Variants in INVS observed in about 807,000 individuals in gnomAD.
The protein encoded by INVS is inversin.
INVS carries 86 observed loss-of-function variants against 108.8 expected under a neutral mutation model. The observed-to-expected ratio is 0.79, with a 90% CI of 0.66 to 0.95. INVS has a LOEUF of 0.95. Ranked by LOEUF, INVS falls within the 40% of genes least tolerant of loss-of-function variation. INVS has a pLI of 0.00. For synonymous variants in INVS, 455 were observed against 473.5 expected (o/e 0.96, Z 0.51); for missense variants, 1,169 against 1,297.4 (o/e 0.90, Z 1.52).
chr9:100,131,876 A>T, intron 3 of INVS: 1 of 968,276 alleles, frequency 1.0e-6, no homozygotes, highest in Non-Finnish European at 1.2e-6. Context: ...TCAGTTTTCA[A>T]GGTACGCTGT....
chr9:100,100,694 ATATGTACATATAATATATATATTATATG>A (rs1826841631), intron 1 of INVS, among the ~76,000 whole-genome samples: 1 of 48,056 alleles, frequency 2.1e-5, no homozygotes, highest in Non-Finnish European at 3.3e-5. Flanking sequence ...TATATATTAT[ATATGTACATATAATATATATATTATATG>A]TACATATAAT....
intron 3 of INVS, among the ~76,000 whole-genome samples, chr9:100,174,962 C>A (rs1829663796): frequency 6.6e-6 from 1 of 151,930 alleles, no homozygotes; most frequent in South Asian, 2.1e-4. Context: ...TTGCTGAAAA[C>A]CAAAGATGAA....
chr9:100,159,456 A>G (rs1032981608), intron 3 of INVS, among the ~76,000 whole-genome samples: 2 of 152,224 alleles, frequency 1.3e-5, no homozygotes, highest in Non-Finnish European at 2.9e-5. Context: ...AGAGAAAATT[A>G]TATCCAGCAT....
At chr9:100,275,840 A>G (rs142291607) in intron 12 of INVS, among the ~76,000 whole-genome samples, 234 of 152,354 alleles carry the variant, frequency 1.5e-3, no homozygotes, top group African/African-American at 5.3e-3. Context: ...TCTATAATCA[A>G]TTTGAAAGCA....
chr9:100,216,288 T>TGATG (rs1830985058), intron 3 of INVS, among the ~76,000 whole-genome samples: 1 of 152,086 alleles, frequency 6.6e-6, no homozygotes, highest in Non-Finnish European at 1.5e-5. Context: ...AAGGTAAGGG[T>TGATG]GATGGCTTTT....
At chr9:100,248,604 CATT>C (rs1430418249) in intron 8 of INVS, among the ~76,000 whole-genome samples, 1 of 151,876 alleles carries the variant, frequency 6.6e-6, no homozygotes, top group Admixed American at 6.6e-5. Flanking sequence ...TATTATTGAA[CATT>C]ATAGAATTTC....
intron 12 of INVS, among the ~76,000 whole-genome samples, chr9:100,276,809 C>T (rs1303539449): frequency 2.0e-5 from 3 of 152,168 alleles, no homozygotes; most frequent in Non-Finnish European, 4.4e-5. Flanking sequence ...CCAGCCCCCT[C>T]ATTCTTAAAT....
chr9:100,151,925 T>C (rs991477323), intron 3 of INVS, among the ~76,000 whole-genome samples: 16 of 152,206 alleles, frequency 1.1e-4, no homozygotes, highest in African/African-American at 3.6e-4. Context: ...AGCTGATTCA[T>C]ATTTAAGATT....
chr9:100,278,231 CAAAAAAAAAA>C (rs750217205), intron 12 of INVS, among the ~76,000 whole-genome samples: 1 of 83,130 alleles, frequency 1.2e-5, no homozygotes, highest in Non-Finnish European at 2.2e-5. Flanking sequence ...GACCCTGTCT[CAAAAAAAAAA>C]AAAAAAAAAA....
At chr9:100,141,122 A>C (rs188964329) in intron 3 of INVS, among the ~76,000 whole-genome samples, 6 of 152,294 alleles carry the variant, frequency 3.9e-5, no homozygotes, top group Admixed American at 1.3e-4. Flanking sequence ...AGAACAGTGA[A>C]TAGGAGTATG....
At chr9:100,155,162 G>A (rs7023412) in intron 3 of INVS, among the ~76,000 whole-genome samples, 28,705 of 149,780 alleles carry the variant, frequency 0.19, 4,334 homozygotes, top group African/African-American at 0.43. Flanking sequence ...AGAGAGCCGA[G>A]ATAGTGCCAT....
chr9:100,205,393 A>G (rs1017047011), intron 3 of INVS, among the ~76,000 whole-genome samples: 6 of 152,144 alleles, frequency 3.9e-5, no homozygotes, highest in African/African-American at 1.2e-4. Flanking sequence ...GGCTATGGCT[A>G]TAAAATGTAT....
At chr9:100,215,668 A>G (rs937765028) in intron 3 of INVS, among the ~76,000 whole-genome samples, 7 of 152,230 alleles carry the variant, frequency 4.6e-5, no homozygotes, top group Non-Finnish European at 7.3e-5. Context: ...GAACCCCAAA[A>G]CATGGTCCTC....
At chr9:100,165,441 G>A (rs1564140607) in intron 3 of INVS, among the ~76,000 whole-genome samples, 1 of 151,826 alleles carries the variant, frequency 6.6e-6, no homozygotes, top group Admixed American at 6.6e-5. Flanking sequence ...GTTATTAGCT[G>A]GAATAATTCA....
chr9:100,192,437 C>T (rs1830250884), intron 3 of INVS, among the ~76,000 whole-genome samples: 1 of 152,110 alleles, frequency 6.6e-6, no homozygotes, highest in African/African-American at 2.4e-5. Context: ...TTTGTTTATA[C>T]ATTCATGGGA....
At chr9:100,231,632 C>T (rs1417771186) in intron 5 of INVS, among the ~76,000 whole-genome samples, 2 of 149,782 alleles carry the variant, frequency 1.3e-5, no homozygotes, top group Non-Finnish European at 2.9e-5. Context: ...TGTTAATTTT[C>T]GGAGAATGAT....
At chr9:100,137,084 A>G (rs1318527537) in intron 3 of INVS, among the ~76,000 whole-genome samples, 3 of 152,200 alleles carry the variant, frequency 2.0e-5, no homozygotes, top group Non-Finnish European at 4.4e-5. Context: ...ACACAGTAGG[A>G]AAGTTTGTTC....
intron 12 of INVS, among the ~76,000 whole-genome samples, chr9:100,276,901 C>T (rs1362113228): frequency 1.3e-5 from 2 of 152,230 alleles, no homozygotes; most frequent in Non-Finnish European, 2.9e-5. Context: ...TCTCCACTAC[C>T]ACCACCCTCT....
At chr9:100,269,443 C>G (rs1409448479) in intron 11 of INVS, among the ~76,000 whole-genome samples, 1 of 152,014 alleles carries the variant, frequency 6.6e-6, no homozygotes, top group Middle Eastern at 3.2e-3. Context: ...TATGTAGATG[C>G]CTCTCAGATG....
Sources: allele counts gnomAD v4.1 joint callset (sites outside exome capture counted in the v4.1 genomes callset), GRCh38; gene constraint gnomAD v4.1.1; transcripts MANE v1.5; gene names NCBI Gene and HGNC (gene_info 2026-07-23, HGNC 2026-07-21).